WDR72: variants seen among roughly 807,000 people sequenced by gnomAD.
WDR72 encodes WD repeat domain 72.
A neutral mutation model predicts 124.2 loss-of-function variants in WDR72; 120 were observed. The ratio of observed to expected loss-of-function variants is 0.97; its 90% CI spans 0.83 to 1.12. WDR72 has a LOEUF of 1.12. WDR72 is among the 50% of genes most tolerant of loss of function. The pLI, the probability that WDR72 is intolerant of heterozygous loss-of-function variation, is 0.00. For synonymous variants in WDR72, 452 were observed against 441.7 expected, an observed-to-expected ratio of 1.02 and a Z score of -0.29; for missense variants, 1,387 against 1,278.8, an observed-to-expected ratio of 1.08 and a Z score of -1.29.
At chr15:53,706,381 T>TAC (rs2017376044) in intron 9 of WDR72, among the ~76,000 whole-genome samples, 2 of 112,794 alleles carry the variant, frequency 1.8e-5, no homozygotes, top group African/African-American at 4.6e-5. Flanking sequence ...TATATATATA[T>TAC]ATATATATAT....
intron 18 of WDR72, among the ~76,000 whole-genome samples, chr15:53,582,355 G>C (rs2011974402): frequency 6.6e-6 from 1 of 151,862 alleles, no homozygotes; most frequent in East Asian, 1.9e-4. Context: ...ACTTCTTCCA[G>C]GGCTGTACTG....
chr15:53,704,516 T>G (rs973668503), intron 11 of WDR72, among the ~76,000 whole-genome samples: 2 of 151,384 alleles, frequency 1.3e-5, no homozygotes, highest in African/African-American at 4.9e-5. Flanking sequence ...TGAGTTTTTT[T>G]TGTTTTTGGT....
intron 2 of WDR72, among the ~76,000 whole-genome samples, chr15:53,729,160 C>T (rs930114368): frequency 3.9e-5 from 6 of 152,134 alleles, no homozygotes; most frequent in African/African-American, 9.7e-5. Context: ...CCTTACCCTA[C>T]ATCCAATCAG....
At chr15:53,721,393 C>A (rs1189501891) in intron 3 of WDR72, among the ~76,000 whole-genome samples, 1 of 152,000 alleles carries the variant, frequency 6.6e-6, no homozygotes, top group African/African-American at 2.4e-5. Context: ...TTTCATGTAG[C>A]CCCAGAAAAA....
At position 53,631,108 on chromosome 15, in the gene WDR72, T is replaced by C. The variant is rs539968977; in HGVS notation, c.1963-14865A>G. On this transcript the variant is annotated intron_variant, in intron 14 of 19. Coordinates refer to ENST00000360509, the MANE Select transcript of WDR72 (RefSeq NM_182758.4). ...GAAGTATAATCCCCAATGCTGGAGG[T>C]GGTGCCTGGTGAGAACTGATTGGAT... is the stretch of plus-strand genomic sequence containing the variant. 9.2e-5 allele frequency among the ~76,000 whole-genome samples: 14 copies of C among 152,246 alleles called. No individual in the cohort carries two copies. In the South Asian group the frequency reaches 1.7e-3, roughly 18 times the overall value.
intron 14 of WDR72, among the ~76,000 whole-genome samples, chr15:53,638,052 T>A (rs939674032): frequency 6.6e-6 from 1 of 152,212 alleles, no homozygotes; most frequent in African/African-American, 2.4e-5. Flanking sequence ...GGAAAATGAA[T>A]GCATGAAATA....
At chr15:53,677,571 G>C (rs564217511) in intron 13 of WDR72, among the ~76,000 whole-genome samples, 1 of 152,146 alleles carries the variant, frequency 6.6e-6, no homozygotes, top group Non-Finnish European at 1.5e-5. Context: ...CTGTTCTCAT[G>C]ATAGTGAGTA....
At chr15:53,716,482 T>G (rs945369237) in intron 4 of WDR72, 125 bp downstream of exon 4, 1 of 756,690 alleles carries the variant, frequency 1.3e-6, no homozygotes, top group African/African-American at 1.7e-5. Flanking sequence ...TATTTGACCC[T>G]CATGACAAAA....
chr15:53,727,035 C>A (rs771648351), intron 2 of WDR72, among the ~76,000 whole-genome samples: 1 of 151,364 alleles, frequency 6.6e-6, no homozygotes, highest in Non-Finnish European at 1.5e-5. Context: ...CGCCCCGGCA[C>A]GGTCGGTGGC....
chr15:53,531,911 T>C (rs2140234880), intron 18 of WDR72, among the ~76,000 whole-genome samples: 1 of 152,210 alleles, frequency 6.6e-6, no homozygotes, highest in South Asian at 2.1e-4. Flanking sequence ...CTAAGGGTTC[T>C]TGAGTTGTGA....
Position 53,646,985 on chromosome 15 carries a change from C to G in WDR72, c.1962+18587G>C, listed in dbSNP as rs531007636. 5.9e-5 allele frequency among the ~76,000 whole-genome samples: 9 copies of G among 152,128 alleles called. No individual in the cohort carries two copies. In the South Asian group the frequency reaches 1.7e-3, roughly 28 times the overall value. On this transcript the variant is annotated intron_variant, in intron 14 of 19. Transcript: ENST00000360509. ...CTAGAGACAATATACAAAGGATTAT[C>G]CTTTCTTGGTACAATGCAAAGGTAA...
In WDR72 at chr15:53,734,264, C is replaced by T. The variant is rs1378350529; in HGVS notation, c.-12-1103G>A. ...AATTCAGTATCTAGTTCCCCATTTTCACTTCTTAGGTCAATATGTTAGTCT... is the reference window on the plus strand; with the variant it reads ...AATTCAGTATCTAGTTCCCCATTTTTACTTCTTAGGTCAATATGTTAGTCT... On this transcript the variant is annotated intron_variant, in intron 1 of 19. Transcript: ENST00000360509. Among the ~76,000 whole-genome samples, 3 of 152,126 alleles carry T rather than the reference C, an allele frequency of 2.0e-5. No individual in the cohort carries two copies. The East Asian group carries it at 5.8e-4, about 29-fold the overall frequency.
intron 19 of WDR72, 126 bp from the exon 20 acceptor site, chr15:53,517,880 TGAGGAAAAAAAG>T: frequency 1.1e-6 from 1 of 886,578 alleles, no homozygotes; most frequent in Non-Finnish European, 1.8e-6. Flanking sequence ...AGGGAGAGAA[TGAGGAAAAAAAG>T]AAAGAAAGGA....
chr15:53,684,441 G>C (rs1291318382), intron 13 of WDR72: 2 of 155,764 alleles, frequency 1.3e-5, no homozygotes, highest in African/African-American at 4.8e-5. Context: ...TCAAAGAAAG[G>C]GGTGACAGAC....
At chr15:53,729,424 C>T (rs2140600181) in intron 2 of WDR72, among the ~76,000 whole-genome samples, 1 of 152,056 alleles carries the variant, frequency 6.6e-6, no homozygotes, top group Non-Finnish European at 1.5e-5. Context: ...CATAAAATAT[C>T]CTCTAAAGCC....
intron 1 of WDR72, among the ~76,000 whole-genome samples, chr15:53,744,506 T>C (rs2018594298): frequency 6.6e-6 from 1 of 152,120 alleles, no homozygotes. Context: ...TTTCTTTAAA[T>C]AATATATTTT....
chr15:53,745,132 C>G (rs2018611982), intron 1 of WDR72, among the ~76,000 whole-genome samples: 3 of 150,940 alleles, frequency 2.0e-5, no homozygotes, highest in Non-Finnish European at 2.9e-5. Context: ...ATTCTTTGAG[C>G]CTCAGTTTTC....
intron 1 of WDR72, among the ~76,000 whole-genome samples, chr15:53,748,062 A>T (rs1393803286): frequency 6.6e-6 from 1 of 152,076 alleles, no homozygotes; most frequent in Non-Finnish European, 1.5e-5. Flanking sequence ...AAATTCAACA[A>T]ATATCTATTG....
At chr15:53,585,733 T>C (rs562309078) in intron 18 of WDR72, among the ~76,000 whole-genome samples, 2 of 152,054 alleles carry the variant, frequency 1.3e-5, no homozygotes, top group African/African-American at 4.8e-5. Flanking sequence ...CCAGAAATGG[T>C]GAGGCCCTGG....
Sources: gnomAD v4.1 joint callset for allele counts (sites outside exome capture counted in the v4.1 genomes callset) on GRCh38, gnomAD v4.1.1 for gene constraint, MANE v1.5 for transcripts, NCBI Gene and HGNC (gene_info 2026-07-23, HGNC 2026-07-21) for gene names.